ELMO1: variants seen among roughly 807,000 people sequenced by gnomAD.
The protein encoded by ELMO1 is engulfment and cell motility protein 1.
Under a neutral mutation model 98.9 loss-of-function variants are expected in ELMO1, and 26 were observed. That is an observed-to-expected ratio of 0.26 (90% CI 0.19 to 0.36). ELMO1 has a LOEUF of 0.36. ELMO1 is among the 10% of genes least tolerant of loss of function. The pLI, the probability that ELMO1 is intolerant of heterozygous loss-of-function variation, is 1.00. For missense variants in ELMO1, 627 were observed against 935.2 expected (o/e 0.67, Z 4.30); for synonymous variants, 346 against 346.0 (o/e 1.00, Z 0.00).
At chr7:37,323,689 T>C (rs994922227) in intron 2 of ELMO1, among the ~76,000 whole-genome samples, 1 of 152,184 alleles carries the variant, frequency 6.6e-6, no homozygotes, top group African/African-American at 2.4e-5. Flanking sequence ...TTTCAATCTA[T>C]CTCTCTCTCT....
intron 6 of ELMO1, among the ~76,000 whole-genome samples, chr7:37,251,508 C>T (rs1301306856): frequency 6.6e-6 from 1 of 152,200 alleles, no homozygotes; most frequent in South Asian, 2.1e-4. Context: ...AAAGCCCAGC[C>T]TTGTTGTGAC....
intron 16 of ELMO1, among the ~76,000 whole-genome samples, chr7:36,985,531 T>C (rs1338800882): frequency 1.3e-5 from 2 of 152,078 alleles, no homozygotes; most frequent in East Asian, 3.9e-4. Context: ...AGCAACACAA[T>C]CAAGCGGCTC....
chr7:37,317,724 C>CA (rs758192383), intron 2 of ELMO1, among the ~76,000 whole-genome samples: 95 of 148,622 alleles, frequency 6.4e-4, no homozygotes, highest in Middle Eastern at 3.4e-3. Flanking sequence ...TAATGAGTTC[C>CA]AAAAAAAAAT....
intron 18 of ELMO1, among the ~76,000 whole-genome samples, chr7:36,884,338 T>G (rs1027772523): frequency 6.6e-6 from 1 of 151,572 alleles, no homozygotes; most frequent in Non-Finnish European, 1.5e-5. Context: ...AAATCTATAT[T>G]CTGAGGCGCT....
chr7:36,913,664 G>A (rs1397801468), intron 16 of ELMO1, among the ~76,000 whole-genome samples: 1 of 152,200 alleles, frequency 6.6e-6, no homozygotes, highest in Non-Finnish European at 1.5e-5. Flanking sequence ...AGGACAGTTT[G>A]GAGAGGAGTT....
chr7:37,126,556 T>C (rs73335599), intron 14 of ELMO1, among the ~76,000 whole-genome samples: 1,972 of 152,164 alleles, frequency 0.013, 49 homozygotes, highest in African/African-American at 0.045. Context: ...GCTCAATATA[T>C]TGTGAAAAAC....
At chr7:36,894,781 A>T in intron 17 of ELMO1, 73 bp downstream of exon 17, 10 of 1,591,528 alleles carry the variant, frequency 6.3e-6, no homozygotes, top group African/African-American at 1.3e-5. Flanking sequence ...GCCCAGCTTC[A>T]TGACAGGCGG....
At chr7:37,272,649 T>C (rs1425726289) in intron 4 of ELMO1, among the ~76,000 whole-genome samples, 1 of 144,910 alleles carries the variant, frequency 6.9e-6, no homozygotes, top group African/African-American at 2.6e-5. Context: ...CATTCCAGCC[T>C]AGGCAACAAG....
chr7:36,958,510 A>T (rs1788652297), intron 16 of ELMO1, among the ~76,000 whole-genome samples: 1 of 152,162 alleles, frequency 6.6e-6, no homozygotes, highest in Non-Finnish European at 1.5e-5. Flanking sequence ...CATTTCACTA[A>T]GAAACTAAAA....
At chr7:37,189,208 T>C (rs1025879251) in intron 13 of ELMO1, among the ~76,000 whole-genome samples, 1 of 152,212 alleles carries the variant, frequency 6.6e-6, no homozygotes, top group African/African-American at 2.4e-5. Flanking sequence ...TCAAACTGCA[T>C]TGCCATGGGA....
chr7:37,323,149 G>A (rs962086326), intron 2 of ELMO1, among the ~76,000 whole-genome samples: 1 of 152,110 alleles, frequency 6.6e-6, no homozygotes, highest in Non-Finnish European at 1.5e-5. Context: ...ATATTCCGGG[G>A]AAATTTTAAC....
intron 13 of ELMO1, among the ~76,000 whole-genome samples, chr7:37,166,128 A>C (rs1322759535): frequency 6.6e-6 from 1 of 152,146 alleles, no homozygotes; most frequent in Non-Finnish European, 1.5e-5. Context: ...ATCTGCATAG[A>C]GGTGTTTGTA....
At chr7:37,091,002 C>T (rs754604886) in intron 15 of ELMO1, among the ~76,000 whole-genome samples, 5 of 152,078 alleles carry the variant, frequency 3.3e-5, no homozygotes, top group Non-Finnish European at 5.9e-5. Context: ...TACCTGACAT[C>T]GGAATATAAT....
At chr7:37,204,998 C>T (rs568363224) in intron 13 of ELMO1, among the ~76,000 whole-genome samples, 203 of 152,362 alleles carry the variant, frequency 1.3e-3, no homozygotes, top group Non-Finnish European at 2.0e-3. Context: ...TAGCTAGACA[C>T]AGAGTACTGA....
At chr7:37,180,200 C>A (rs1443248607) in intron 13 of ELMO1, among the ~76,000 whole-genome samples, 8 of 152,184 alleles carry the variant, frequency 5.3e-5, no homozygotes, top group Non-Finnish European at 1.2e-4. Context: ...AACTGACCCT[C>A]ATATCACTAT....
At chr7:37,255,101 G>A (rs540905715) in intron 6 of ELMO1, among the ~76,000 whole-genome samples, 2 of 152,272 alleles carry the variant, frequency 1.3e-5, no homozygotes, top group East Asian at 3.9e-4. Flanking sequence ...AAGCATTACG[G>A]ACTGAAGTGT....
chr7:37,231,896 A>T (rs1039215151), intron 8 of ELMO1, among the ~76,000 whole-genome samples: 11 of 152,124 alleles, frequency 7.2e-5, no homozygotes, highest in African/African-American at 2.7e-4. Context: ...TCCGTCACCC[A>T]GACTGGAGTG....
chr7:37,225,071 G>A (rs762441461), intron 8 of ELMO1, 41 bp from the exon 9 acceptor site: 2 of 1,612,176 alleles, frequency 1.2e-6, no homozygotes, highest in South Asian at 2.2e-5. Flanking sequence ...CTCGTGGTAA[G>A]TAGAGCAGAG....
intron 1 of ELMO1, among the ~76,000 whole-genome samples, chr7:37,363,170 G>A (rs1209398168): frequency 6.6e-6 from 1 of 152,090 alleles, no homozygotes; most frequent in Non-Finnish European, 1.5e-5. Flanking sequence ...TCAGGTGCTT[G>A]TGCCAGACCA....
Sources: gnomAD v4.1 joint callset for allele counts (sites outside exome capture counted in the v4.1 genomes callset) on GRCh38, gnomAD v4.1.1 for gene constraint, MANE v1.5 for transcripts, NCBI Gene and HGNC (gene_info 2026-07-23, HGNC 2026-07-21) for gene names.